WWTR1: variants seen among roughly 807,000 people sequenced by gnomAD.
WWTR1 encodes WW domain containing transcription regulator 1, also known as WW domain-containing transcription regulator protein 1.
WWTR1 carries 13 observed loss-of-function variants against 40.1 expected under a neutral mutation model. The ratio of observed to expected loss-of-function variants is 0.32; its 90% CI spans 0.21 to 0.52. The LOEUF (loss-of-function observed/expected upper bound fraction) is 0.52, where lower values mean the gene tolerates loss of function less well. WWTR1 is among the 20% of genes least tolerant of loss of function. The pLI is 0.97. For synonymous variants in WWTR1, 230 were observed against 210.1 expected (o/e 1.09, Z -0.82); for missense variants, 436 against 523.1 (o/e 0.83, Z 1.63).
At chr3:149,527,645 G>A (rs976051330) in intron 5 of WWTR1, among the ~76,000 whole-genome samples, 191 bp downstream of exon 5, 9 of 151,970 alleles carry the variant, frequency 5.9e-5, no homozygotes, top group African/African-American at 2.2e-4. Flanking sequence ...TTTTTAATTT[G>A]GAAATTTTTT....
chr3:149,679,566 A>T (rs888518620), intron 1 of WWTR1, among the ~76,000 whole-genome samples: 3 of 152,104 alleles, frequency 2.0e-5, no homozygotes, highest in Non-Finnish European at 4.4e-5. Flanking sequence ...GATAAATATC[A>T]TTATGCCCAT....
intron 2 of WWTR1, among the ~76,000 whole-genome samples, chr3:149,594,778 A>T (rs905241458): frequency 2.0e-5 from 3 of 151,812 alleles, no homozygotes; most frequent in Non-Finnish European, 4.4e-5. Flanking sequence ...TTTTTGGAAC[A>T]ACTGGGGGAA....
At chr3:149,655,003 G>A (rs1033754646) in intron 2 of WWTR1, among the ~76,000 whole-genome samples, 1 of 152,042 alleles carries the variant, frequency 6.6e-6, no homozygotes, top group Non-Finnish European at 1.5e-5. Flanking sequence ...GCGGGTGCCT[G>A]TAGTCCCAGC....
intron 1 of WWTR1, among the ~76,000 whole-genome samples, chr3:149,688,464 G>A (rs1238944608): frequency 6.6e-6 from 1 of 152,172 alleles, no homozygotes; most frequent in African/African-American, 2.4e-5. Flanking sequence ...GGAAAGTAGG[G>A]AAGAGAATAG....
chr3:149,591,039 A>T, intron 2 of WWTR1, among the ~76,000 whole-genome samples: 1 of 151,144 alleles, frequency 6.6e-6, no homozygotes, highest in East Asian at 1.9e-4. Flanking sequence ...AATTAGGCAT[A>T]TCCTGTCAAG....
chr3:149,705,891 C>T (rs745907522), upstream of WWTR1, among the ~76,000 whole-genome samples: 27 of 152,182 alleles, frequency 1.8e-4, no homozygotes, highest in Non-Finnish European at 2.6e-4. Context: ...TACTATGCCA[C>T]ACAGCCCTGA....
chr3:149,651,012 C>T (rs1712834393), intron 2 of WWTR1, among the ~76,000 whole-genome samples: 1 of 152,176 alleles, frequency 6.6e-6, no homozygotes, highest in South Asian at 2.1e-4. Context: ...AAAGCAAGAA[C>T]TAACTTGTAC....
At chr3:149,578,171 G>A (rs944802272) in intron 2 of WWTR1, among the ~76,000 whole-genome samples, 16 of 152,128 alleles carry the variant, frequency 1.1e-4, no homozygotes, top group African/African-American at 3.9e-4. Context: ...GCCAGACTCT[G>A]TGGGCTCTGC....
intron 2 of WWTR1, among the ~76,000 whole-genome samples, chr3:149,577,486 C>A (rs972590094): frequency 1.3e-4 from 20 of 152,128 alleles, no homozygotes; most frequent in African/African-American, 4.8e-4. Flanking sequence ...TGGACCACTA[C>A]TTCCCAGACA....
chr3:149,561,582 T>C (rs747745523), intron 3 of WWTR1, among the ~76,000 whole-genome samples: 2 of 152,232 alleles, frequency 1.3e-5, no homozygotes, highest in Admixed American at 6.5e-5. Flanking sequence ...CAAGGATTTA[T>C]GTCCAAGGCT....
upstream of WWTR1, chr3:149,660,957 A>T (rs1424318992): frequency 6.6e-6 from 1 of 152,170 alleles, no homozygotes. Context: ...CATGTTATTT[A>T]TACCTTTACG....
intron 2 of WWTR1, among the ~76,000 whole-genome samples, chr3:149,648,442 A>C (rs1576621048): frequency 6.6e-6 from 1 of 151,934 alleles, no homozygotes; most frequent in Non-Finnish European, 1.5e-5. Context: ...ACTAAACAAA[A>C]CAAAAAAAAA....
chr3:149,534,573 A>G (rs1735737638), intron 4 of WWTR1, among the ~76,000 whole-genome samples: 1 of 152,240 alleles, frequency 6.6e-6, no homozygotes, highest in South Asian at 2.1e-4. Context: ...TTCAACGTAT[A>G]TGAGTGGAGC....
chr3:149,655,927 G>C (rs1280352760), intron 2 of WWTR1, among the ~76,000 whole-genome samples: 2 of 152,198 alleles, frequency 1.3e-5, no homozygotes, highest in Admixed American at 1.3e-4. Context: ...TCTTAGGAGA[G>C]GAGTTTCCCT....
chr3:149,571,777 T>A (rs1208146373), intron 3 of WWTR1, among the ~76,000 whole-genome samples: 4 of 152,244 alleles, frequency 2.6e-5, no homozygotes, highest in Non-Finnish European at 4.4e-5. Flanking sequence ...CTGTTCTGTG[T>A]ATAAAGCATA....
rs2107959704 is a variant in WWTR1 at position 149,553,322 on chromosome 3, T to C, written c.569-10785A>G. On this transcript the variant is annotated intron_variant, in intron 3 of 6. Coordinates refer to ENST00000360632, the MANE Select transcript of WWTR1 (RefSeq NM_015472.6). ...TTTTTCGTAGTCATCAAAATATACGTGATAAGTTAAATTTGGTGATGAGGC... is the reference window on the plus strand; with the variant it reads ...TTTTTCGTAGTCATCAAAATATACGCGATAAGTTAAATTTGGTGATGAGGC... Among the ~76,000 whole-genome samples, 3 of 152,318 alleles carry C rather than the reference T, an allele frequency of 2.0e-5. No homozygotes were observed. In the Middle Eastern group the frequency reaches 0.01, roughly 518 times the overall value.
intron 2 of WWTR1, among the ~76,000 whole-genome samples, chr3:149,599,867 T>C (rs532738843): frequency 5.0e-4 from 76 of 152,332 alleles, no homozygotes; most frequent in African/African-American, 1.7e-3. Context: ...CGACAAGGTA[T>C]ATAATGGGCC....
chr3:149,623,393 T>C (rs1740405682), intron 2 of WWTR1, among the ~76,000 whole-genome samples: 2 of 151,926 alleles, frequency 1.3e-5, no homozygotes, highest in South Asian at 4.2e-4. Flanking sequence ...ATATGGCCAT[T>C]TAAAGTGTGA....
chr3:149,604,398 C>G (rs1426237172), intron 2 of WWTR1, among the ~76,000 whole-genome samples: 1 of 152,192 alleles, frequency 6.6e-6, no homozygotes, highest in Non-Finnish European at 1.5e-5. Context: ...CAGAGATGCT[C>G]CTTAGCTAAA....
Sources: gnomAD v4.1 joint callset for allele counts (sites outside exome capture counted in the v4.1 genomes callset) on GRCh38, gnomAD v4.1.1 for gene constraint, MANE v1.5 for transcripts, NCBI Gene and HGNC (gene_info 2026-07-23, HGNC 2026-07-21) for gene names.